The following STK32B variants were observed in gnomAD, a reference collection of about 807,000 sequenced individuals.
STK32B encodes the protein serine/threonine kinase 32B, also known as serine/threonine-protein kinase 32B.
Under a neutral mutation model 52.6 loss-of-function variants are expected in STK32B, and 43 were observed. The observed-to-expected ratio is 0.82, with a 90% CI of 0.64 to 1.05. STK32B has a LOEUF of 1.05. Among genes scored for constraint, STK32B ranks in the 50% least tolerant of loss-of-function variants. The probability of loss-of-function intolerance (pLI) is 0.00; values close to 1 mark genes in which losing one functional copy is unlikely to be tolerated. For missense variants in STK32B, 621 were observed against 534.6 expected (o/e 1.16, Z -1.59); for synonymous variants, 238 against 204.3 (o/e 1.17, Z -1.41).
At chr4:5,217,927 G>C (rs543155930) in intron 3 of STK32B, among the ~76,000 whole-genome samples, 6 of 152,250 alleles carry the variant, frequency 3.9e-5, no homozygotes, top group Admixed American at 1.3e-4. Flanking sequence ...AACCTCACAG[G>C]ATTTTGACAC....
chr4:5,311,669 T>G (rs1730297977), intron 3 of STK32B, among the ~76,000 whole-genome samples: 1 of 152,112 alleles, frequency 6.6e-6, no homozygotes, highest in African/African-American at 2.4e-5. Context: ...TTACTCATAA[T>G]TTTGATAGCT....
the STK32B span, among the ~76,000 whole-genome samples, chr4:5,030,658 T>A: frequency 2.6e-5 from 4 of 152,188 alleles, no homozygotes; most frequent in Non-Finnish European, 5.9e-5. Context: ...GGAAGTTAAG[T>A]AACTTGCTCA....
intron 6 of STK32B, among the ~76,000 whole-genome samples, chr4:5,444,148 T>C (rs575259533): frequency 0.013 from 1,917 of 152,328 alleles, 44 homozygotes; most frequent in East Asian, 0.069. Flanking sequence ...GCTTCCGGGC[T>C]GCTTTGTTTA....
At chr4:5,286,583 TTAACA>T (rs1164992529) in intron 3 of STK32B, among the ~76,000 whole-genome samples, 1 of 152,192 alleles carries the variant, frequency 6.6e-6, no homozygotes, top group Non-Finnish European at 1.5e-5. Flanking sequence ...CTTATTTCCC[TTAACA>T]TAATACCTGT....
intron 5 of STK32B, among the ~76,000 whole-genome samples, chr4:5,414,980 A>C (rs886881355): frequency 6.6e-6 from 1 of 152,194 alleles, no homozygotes; most frequent in Non-Finnish European, 1.5e-5. Context: ...GACATGTGTC[A>C]CTCTGTTTGG....
intron 3 of STK32B, among the ~76,000 whole-genome samples, chr4:5,315,664 T>C (rs1198821324): frequency 6.8e-6 from 1 of 147,850 alleles, no homozygotes; most frequent in Non-Finnish European, 1.5e-5. Flanking sequence ...TTCTTGAGTA[T>C]TTTTTCTTTT....
chr4:5,084,131 G>T (rs1240623751), intron 1 of STK32B, among the ~76,000 whole-genome samples: 1 of 152,094 alleles, frequency 6.6e-6, no homozygotes, highest in East Asian at 1.9e-4. Flanking sequence ...TTTAAATCCT[G>T]GTAGTTTTCT....
At chr4:5,313,626 A>T (rs1188857412) in intron 3 of STK32B, among the ~76,000 whole-genome samples, 2 of 152,186 alleles carry the variant, frequency 1.3e-5, no homozygotes, top group African/African-American at 4.8e-5. Flanking sequence ...TTAAAATTAA[A>T]ATATCCTGGA....
chr4:5,100,518 TC>T (rs1180717394), intron 1 of STK32B, among the ~76,000 whole-genome samples: 1 of 50,502 alleles, frequency 2.0e-5, no homozygotes, highest in Non-Finnish European at 6.9e-5. Context: ...CTTCTCTCCT[TC>T]TTCTCTCTTT....
the STK32B span, among the ~76,000 whole-genome samples, chr4:5,036,171 G>A: frequency 6.6e-6 from 1 of 152,198 alleles, no homozygotes; most frequent in African/African-American, 2.4e-5. Context: ...CTAGCTCAAA[G>A]TTTGTGTAAA....
chr4:5,083,654 C>T lies in STK32B; in HGVS notation c.52+31739C>T, dbSNP rs571155425. Among the ~76,000 whole-genome samples, 3 of 152,134 alleles carry T rather than the reference C, an allele frequency of 2.0e-5. No individual in the cohort carries two copies. The South Asian group carries it at 6.2e-4, about 32-fold the overall frequency. On this transcript the variant is annotated intron_variant, in intron 1 of 11. Transcript: ENST00000282908. ...ATGTACATAAGTAATAATTGGGCCA[C>T]TGTTTATTCATCTGTGTTTAAATGA...
At position 5,216,060 on chromosome 4, in the gene STK32B, A is replaced by G. The variant is rs1209239388; in HGVS notation, c.260+47610A>G. On this transcript the variant is annotated intron_variant, in intron 3 of 11. Coordinates refer to ENST00000282908, the MANE Select transcript of STK32B (RefSeq NM_018401.3). Reference sequence around the variant, plus strand: ...TTGCAGAGTGAAAGTCTTATCTATTAGACTGTGAGTGCCTTGATATTCTAG... The same window carrying G: ...TTGCAGAGTGAAAGTCTTATCTATTGGACTGTGAGTGCCTTGATATTCTAG... Among the ~76,000 whole-genome samples the G allele has an allele frequency of 7.9e-5, 12 of 152,342 alleles. No homozygotes were observed. The East Asian group carries it at 2.3e-3, about 29-fold the overall frequency.
intron 2 of STK32B, among the ~76,000 whole-genome samples, chr4:5,157,489 A>G (rs951853647): frequency 6.6e-6 from 1 of 152,188 alleles, no homozygotes; most frequent in Non-Finnish European, 1.5e-5. Flanking sequence ...AGGGCAACAG[A>G]GACAGCCTCT....
At chr4:5,389,531 A>G (rs954989733) in intron 4 of STK32B, among the ~76,000 whole-genome samples, 2 of 152,104 alleles carry the variant, frequency 1.3e-5, no homozygotes. Context: ...TCCTCTTCTT[A>G]TAAGGACACC....
chr4:5,371,211 A>T, intron 4 of STK32B, among the ~76,000 whole-genome samples: 1 of 152,020 alleles, frequency 6.6e-6, no homozygotes, highest in Non-Finnish European at 1.5e-5. Flanking sequence ...AGAAGGAGGG[A>T]TCAGTAGATG....
chr4:5,456,419 TG>T (rs1716527250), intron 7 of STK32B, among the ~76,000 whole-genome samples: 1 of 152,080 alleles, frequency 6.6e-6, no homozygotes, highest in African/African-American at 2.4e-5. Flanking sequence ...GCCCAGCAAG[TG>T]GGGGCTATGA....
chr4:5,274,623 C>T lies in STK32B; in HGVS notation c.261-56597C>T, dbSNP rs140872562. Among the ~76,000 whole-genome samples the T allele has an allele frequency of 3.9e-3, 593 of 152,236 alleles. 2 individuals are homozygous for T. Among genetic ancestry groups the T allele is most frequent in the African/African-American group, 0.012 (502 of 41,538 alleles). ...AATCATCTATTGTCTGAGAGCACAG[C>T]GGGAGGGACAAGGATCAGCATATAA... On this transcript the variant is annotated intron_variant, in intron 3 of 11. Coordinates refer to ENST00000282908, the MANE Select transcript of STK32B (RefSeq NM_018401.3).
chr4:5,344,389 G>A (rs906627115), intron 4 of STK32B, among the ~76,000 whole-genome samples: 4 of 152,072 alleles, frequency 2.6e-5, no homozygotes, highest in Non-Finnish European at 2.9e-5. Context: ...AGTGAAGTCC[G>A]ATGACCTATG....
chr4:5,194,947 G>A (rs1721524192), intron 3 of STK32B, among the ~76,000 whole-genome samples: 1 of 152,136 alleles, frequency 6.6e-6, no homozygotes, highest in South Asian at 2.1e-4. Flanking sequence ...GTGAGAAGCT[G>A]CCCTCATGAT....
Sources: gnomAD v4.1 joint callset for allele counts (sites outside exome capture counted in the v4.1 genomes callset) on GRCh38, gnomAD v4.1.1 for gene constraint, MANE v1.5 for transcripts, NCBI Gene and HGNC (gene_info 2026-07-23, HGNC 2026-07-21) for gene names.